Variants in TMEM50B observed in about 807,000 individuals in gnomAD.
TMEM50B encodes transmembrane protein 50B.
A neutral mutation model predicts 23.4 loss-of-function variants in TMEM50B; 14 were observed. The ratio of observed to expected loss-of-function variants is 0.60; its 90% confidence interval spans 0.39 to 0.93. TMEM50B has a LOEUF of 0.93. Ranked by LOEUF, TMEM50B falls within the 40% of genes least tolerant of loss-of-function variation. The pLI, the probability that TMEM50B is intolerant of heterozygous loss-of-function variation, is 0.00. For missense variants in TMEM50B, 159 were observed against 193.0 expected (o/e 0.82, Z 1.04); for synonymous variants, 64 against 62.3 (o/e 1.03, Z -0.13).
In TMEM50B at chr21:33,449,983, A is replaced by C. The variant is rs902901965; in HGVS notation, c.*835T>G. 6 of 152,600 alleles carry C rather than the reference A, an allele frequency of 3.9e-5. No individual in the cohort carries two copies. The highest frequency in any genetic ancestry group is 1.4e-4 in the African/African-American group (6 of 41,464). 9.5% of individuals were successfully genotyped at this position (152,600 alleles called of 1,614,324 possible). On this transcript the variant is annotated 3_prime_UTR_variant, in exon 7 of 7. Coordinates refer to ENST00000542230, the MANE Select transcript of TMEM50B (RefSeq NM_006134.7). Reference sequence around the variant, plus strand: ...ATATTAGAGGAATTCTTTTTAAAAGAAGCTTTCAAACTAGTCCTTTGGGCA... The same window carrying C: ...ATATTAGAGGAATTCTTTTTAAAAGCAGCTTTCAAACTAGTCCTTTGGGCA...
chr21:33,451,431 T>A (rs2084118605), intron 6 of TMEM50B, among the ~76,000 whole-genome samples: 1 of 152,110 alleles, frequency 6.6e-6, no homozygotes, highest in Non-Finnish European at 1.5e-5. Context: ...AAATATAAAA[T>A]TCCACCTATA....
intron 6 of TMEM50B, among the ~76,000 whole-genome samples, chr21:33,452,594 G>A (rs541625701): frequency 6.6e-6 from 1 of 152,280 alleles, no homozygotes; most frequent in African/African-American, 2.4e-5. Context: ...TTAGTAGGGG[G>A]ACAAATCAGT....
At chr21:33,463,309 A>C (rs773187600) in intron 4 of TMEM50B, among the ~76,000 whole-genome samples, 1 of 152,096 alleles carries the variant, frequency 6.6e-6, no homozygotes, top group Non-Finnish European at 1.5e-5. Context: ...ATAAATACAA[A>C]ATTTAAAAAA....
Position 33,455,788 on chromosome 21 carries a change from C to T in TMEM50B, c.374-4G>A, listed in dbSNP as rs751057553. 1.9e-6 allele frequency: 3 copies of T among 1,612,658 alleles called. No homozygotes were observed. The highest frequency in any genetic ancestry group is 4.5e-5 in the East Asian group (2 of 44,832). On this transcript the variant is annotated splice_region_variant and splice_polypyrimidine_tract_variant and intron_variant, in intron 5 of 6. Coordinates refer to ENST00000542230, the MANE Select transcript of TMEM50B (RefSeq NM_006134.7). ...AGTCCCGGATAAACATCAGTATCTA[C>T]ATACACAAAGTAAAACAGATTAGAC... is the stretch of plus-strand genomic sequence containing the variant.
At chr21:33,438,457 T>C (rs930679109) in intron 8 of TMEM50B, among the ~76,000 whole-genome samples, 7 of 152,164 alleles carry the variant, frequency 4.6e-5, no homozygotes, top group African/African-American at 1.4e-4. Flanking sequence ...AGTCATCTGA[T>C]TGTGTCAGTA....
downstream of TMEM50B, among the ~76,000 whole-genome samples, chr21:33,447,971 A>C (rs750243684): frequency 1.3e-5 from 2 of 152,084 alleles, no homozygotes; most frequent in Non-Finnish European, 2.9e-5. Context: ...AGTGGATACT[A>C]ACATTATCTC....
chr21:33,443,090 G>T (rs1411870180), intron 7 of TMEM50B, among the ~76,000 whole-genome samples: 1 of 152,058 alleles, frequency 6.6e-6, no homozygotes, highest in Admixed American at 6.5e-5. Flanking sequence ...TATTCTCTGT[G>T]GGTAATAAGA....
chr21:33,461,425 G>C (rs949554348), intron 4 of TMEM50B, among the ~76,000 whole-genome samples: 2 of 152,102 alleles, frequency 1.3e-5, no homozygotes, highest in African/African-American at 4.8e-5. Context: ...GAAATAAACA[G>C]TAATGTTTAG....
intron 1 of TMEM50B, among the ~76,000 whole-genome samples, chr21:33,476,916 C>G (rs1003727619): frequency 4.0e-5 from 6 of 151,758 alleles, no homozygotes; most frequent in African/African-American, 1.2e-4. Flanking sequence ...TGGCTAAAAC[C>G]CAGAAACAGT....
At chr21:33,449,038 T>C (rs190832250), downstream of TMEM50B, 6 of 152,318 alleles carry the variant, frequency 3.9e-5, no homozygotes, top group East Asian at 1.2e-3. Context: ...TCTTATTTTA[T>C]AAACATAACT....
intron 1 of TMEM50B, among the ~76,000 whole-genome samples, 153 bp from the exon 2 acceptor site, chr21:33,469,079 T>C (rs1487756643): frequency 1.3e-5 from 2 of 152,180 alleles, no homozygotes; most frequent in African/African-American, 4.8e-5. Context: ...AAGTACCTAA[T>C]TGAGATGTAT....
chr21:33,472,640 G>A (rs2084328549), intron 1 of TMEM50B, among the ~76,000 whole-genome samples: 1 of 151,966 alleles, frequency 6.6e-6, no homozygotes, highest in Admixed American at 6.6e-5. Context: ...ACTTTGGGAG[G>A]CTGAGGCGGG....
intron 5 of TMEM50B, among the ~76,000 whole-genome samples, chr21:33,457,380 T>A (rs1260754612): frequency 6.6e-6 from 1 of 152,140 alleles, no homozygotes; most frequent in East Asian, 1.9e-4. Flanking sequence ...CTGGGAGCGG[T>A]GGTTCATGCC....
chr21:33,478,881 T>C, intron 1 of TMEM50B: 1 of 464,624 alleles, frequency 2.2e-6, no homozygotes, highest in Non-Finnish European at 4.4e-6. Context: ...GGATCCACAG[T>C]GCAGGTAGGA....
downstream of TMEM50B, among the ~76,000 whole-genome samples, chr21:33,446,243 TTTTA>T (rs745965150): frequency 0.12 from 13,694 of 112,948 alleles, 799 homozygotes; most frequent in East Asian, 0.33. Flanking sequence ...ATTTTTTATT[TTTTA>T]TTTTTTTTTG....
At chr21:33,453,003 A>G (rs1317529658) in intron 6 of TMEM50B, among the ~76,000 whole-genome samples, 1 of 152,222 alleles carries the variant, frequency 6.6e-6, no homozygotes, top group East Asian at 1.9e-4. Context: ...TCTGAGATGA[A>G]AAAATCATTG....
intron 1 of TMEM50B, among the ~76,000 whole-genome samples, chr21:33,470,778 T>C (rs1422845798): frequency 6.6e-6 from 1 of 151,272 alleles, no homozygotes; most frequent in Non-Finnish European, 1.5e-5. Context: ...TAATCCCAGC[T>C]ACTCAGGAGG....
chr21:33,461,837 A>G (rs780287775), intron 4 of TMEM50B, among the ~76,000 whole-genome samples: 6 of 152,026 alleles, frequency 3.9e-5, no homozygotes, highest in Non-Finnish European at 8.8e-5. Context: ...ATTTTCCATC[A>G]TGTCCTTTAT....
At chr21:33,453,909 G>GCCT (rs1178755070) in intron 6 of TMEM50B, among the ~76,000 whole-genome samples, 1 of 151,944 alleles carries the variant, frequency 6.6e-6, no homozygotes, top group East Asian at 1.9e-4. Flanking sequence ...TTCGAGACCG[G>GCCT]CCTGGTCAAC....
Sources: allele counts gnomAD v4.1 joint callset (sites outside exome capture counted in the v4.1 genomes callset), GRCh38; gene constraint gnomAD v4.1.1; transcripts MANE v1.5; gene names NCBI Gene and HGNC (gene_info 2026-07-23, HGNC 2026-07-21).